The following NCF2 variants were observed in gnomAD, a reference collection of about 807,000 sequenced individuals.
NCF2 encodes neutrophil cytosol factor 2.
In NCF2, 45 loss-of-function variants were observed where a neutral mutation model predicts 70.9. That is an observed-to-expected ratio of 0.63 (90% confidence interval 0.50 to 0.81). The LOEUF (loss-of-function observed/expected upper bound fraction) is 0.81. Ranked by LOEUF, NCF2 falls within the 40% of genes least tolerant of loss-of-function variation. The pLI is 0.00. For missense variants in NCF2, 522 were observed against 631.6 expected (o/e 0.83, Z 1.86); for synonymous variants, 203 against 233.6 (o/e 0.87, Z 1.19).
Position 183,560,121 on chromosome 1 carries a change from C to T in NCF2, c.1443G>A (p.Gly481=). 6.2e-7 allele frequency: 1 copy of T among 1,614,058 alleles called. No homozygotes were observed. The highest frequency in any genetic ancestry group is 8.5e-7 in the Non-Finnish European group (1 of 1,179,986). ...CCTTTGATAACACCAGGATTATATC[C>T]CCTTCCTGAAACTCCAGGTCCTCTG... ...TQPEDLEFQE[G]DIILVLSKVN... The change falls in exon 14 of 15, where the codon GGG becomes GGA. Residue 481 remains glycine, a synonymous_variant. Coordinates refer to ENST00000367535, the MANE Select transcript of NCF2 (RefSeq NM_000433.4).
At chr1:183,557,054 AAT>A (rs1462039532) in intron 14 of NCF2, among the ~76,000 whole-genome samples, 1 of 152,230 alleles carries the variant, frequency 6.6e-6, no homozygotes, top group Non-Finnish European at 1.5e-5. Flanking sequence ...CAGAGCCTTT[AAT>A]AGAGTGCAGG....
chr1:183,578,355 C>CT (rs10689990), intron 2 of NCF2, among the ~76,000 whole-genome samples: 15,201 of 149,110 alleles, frequency 0.1, 1,007 homozygotes, highest in East Asian at 0.24. Flanking sequence ...GTATTTCCTC[C>CT]TTTTTTTTTT....
At chr1:183,588,526 T>G (rs1673484618) in intron 1 of NCF2, among the ~76,000 whole-genome samples, 1 of 151,766 alleles carries the variant, frequency 6.6e-6, no homozygotes, top group Non-Finnish European at 1.5e-5. Flanking sequence ...TAATGAAATT[T>G]TAACCCTTGT....
chr1:183,599,466 C>CTTTCTTTCTT, the NCF2 span, among the ~76,000 whole-genome samples: 2 of 137,542 alleles, frequency 1.5e-5, no homozygotes, highest in Non-Finnish European at 3.1e-5. Flanking sequence ...TTCTTTCTTT[C>CTTTCTTTCTT]TTTCTTTCTT....
chr1:183,574,696 T>C (rs550067203), intron 3 of NCF2, 75 bp from the exon 4 acceptor site: 2 of 1,554,636 alleles, frequency 1.3e-6, no homozygotes, highest in East Asian at 2.2e-5. Context: ...CTCACACGTA[T>C]ACTCTGAGAA....
chr1:183,591,569 G>A (rs2102944187), upstream of NCF2, among the ~76,000 whole-genome samples: 1 of 148,804 alleles, frequency 6.7e-6, no homozygotes, highest in Non-Finnish European at 1.5e-5. Flanking sequence ...TGCAACCTCT[G>A]CCTCCTGGGT....
intron 1 of NCF2, among the ~76,000 whole-genome samples, chr1:183,588,917 A>C (rs1439938221): frequency 1.3e-5 from 2 of 152,348 alleles, no homozygotes; most frequent in African/African-American, 4.8e-5. Context: ...AGCTGTGCCC[A>C]GACTAGCTGC....
chr1:183,574,719 GC>G, intron 3 of NCF2, 98 bp from the exon 4 acceptor site: 2 of 1,436,886 alleles, frequency 1.4e-6, no homozygotes, highest in Non-Finnish European at 2.0e-6. Flanking sequence ...TTGCCTGGTA[GC>G]CTTTCTCCCT....
intron 9 of NCF2, 37 bp downstream of exon 9, chr1:183,566,883 G>T: frequency 6.2e-7 from 1 of 1,611,576 alleles, no homozygotes; most frequent in Non-Finnish European, 8.5e-7. Context: ...TCCCTAAAGG[G>T]TGAGAGGAAA....
chr1:183,573,386 G>C, intron 4 of NCF2, 94 bp from the exon 5 acceptor site: 1 of 1,142,808 alleles, frequency 8.8e-7, no homozygotes. Flanking sequence ...AGAATTCATT[G>C]AGATAACCAC....
At chr1:183,596,477 A>G in the NCF2 span, among the ~76,000 whole-genome samples, 206 of 152,120 alleles carry the variant, frequency 1.4e-3, no homozygotes, top group African/African-American at 4.8e-3. Context: ...GATCCTCACT[A>G]TAAATTGTCC....
Position 183,567,488 on chromosome 1 carries a change from C to A in NCF2, c.714-143G>T, listed in dbSNP as rs1204877860. On this transcript the variant is annotated intron_variant, in intron 7 of 14. Coordinates refer to ENST00000367535, the MANE Select transcript of NCF2 (RefSeq NM_000433.4). Reference sequence around the variant, plus strand: ...TGCAACTGCCGAGATGACACTGAGCCTGCCTGGGCTCCCAAGAGGTCTCAG... The same window carrying A: ...TGCAACTGCCGAGATGACACTGAGCATGCCTGGGCTCCCAAGAGGTCTCAG... 6.0e-6 allele frequency: 7 copies of A among 1,158,272 alleles called. No homozygotes were observed. In the African/African-American group the frequency reaches 1.1e-4, roughly 17 times the overall value. 71.7% of individuals were successfully genotyped at this position (1,158,272 alleles called of 1,614,324 possible).
chr1:183,601,483 T>C, the NCF2 span, among the ~76,000 whole-genome samples: 1 of 152,214 alleles, frequency 6.6e-6, no homozygotes, highest in Non-Finnish European at 1.5e-5. Flanking sequence ...TATTCTAATG[T>C]GCATTTTTTT....
chr1:183,567,238 T>G lies in NCF2; in HGVS notation c.821A>C (p.Asn274Thr). 1 of 1,614,140 alleles carries G rather than the reference T, an allele frequency of 6.2e-7. No individual in the cohort carries two copies. The highest frequency in any genetic ancestry group is 1.1e-5 in the South Asian group (1 of 91,078). ...GAACATGACCGTGGCCCAGTTATCA[T>G]TGCCCTTCTTCAAGACAAAGACAAT... ...GNIVFVLKKG[N>T]DNWATVMFNG... The change falls in exon 8 of 15, where the codon AAT becomes ACT. Residue 274 changes from asparagine (N) to threonine (T), a missense_variant. Coordinates refer to ENST00000367535, the MANE Select transcript of NCF2 (RefSeq NM_000433.4).
At chr1:183,574,401 T>G in intron 4 of NCF2, 86 bp downstream of exon 4, 1 of 1,592,658 alleles carries the variant, frequency 6.3e-7, no homozygotes, top group Admixed American at 1.7e-5. Flanking sequence ...AAAGCACCAC[T>G]TTTATGGCTT....
upstream of NCF2, among the ~76,000 whole-genome samples, chr1:183,594,998 C>T (rs750411704): frequency 1.3e-5 from 2 of 152,168 alleles, no homozygotes; most frequent in African/African-American, 2.4e-5. Context: ...ATGTTTAGCA[C>T]GTAGTAGCTG....
At position 183,555,612 on chromosome 1, in the gene NCF2, A is replaced by G. The variant is rs1038760596; in HGVS notation, c.*506T>C. On this transcript the variant is annotated 3_prime_UTR_variant, in exon 15 of 15. Coordinates refer to ENST00000367535, the MANE Select transcript of NCF2 (RefSeq NM_000433.4). ...TTTGTATATGCCTTATGAGTAACCT[A>G]TAAGGTTACTTCAAGCCTTAAGAGC... 3.5e-5 allele frequency: 6 copies of G among 169,858 alleles called. No homozygotes were observed. The highest frequency in any genetic ancestry group is 1.7e-4 in the Admixed American group (3 of 18,102). 10.5% of individuals were successfully genotyped at this position (169,858 alleles called of 1,614,324 possible). A position where few individuals can be genotyped will look rare whatever the true frequency, so the allele number is the denominator to read the frequency against.
chr1:183,573,052 T>C, intron 5 of NCF2, 133 bp downstream of exon 5: 1 of 834,906 alleles, frequency 1.2e-6, no homozygotes, highest in South Asian at 1.3e-5. Context: ...CTCTGTCCTA[T>C]AAACAAGTCT....
At chr1:183,564,179 CTG>C in intron 10 of NCF2, 149 bp from the exon 11 acceptor site, 1 of 820,238 alleles carries the variant, frequency 1.2e-6, no homozygotes. Context: ...CCTTAGTAAA[CTG>C]TGGGGAAAAT....
Sources: gnomAD v4.1 joint callset for allele counts (sites outside exome capture counted in the v4.1 genomes callset) on GRCh38, gnomAD v4.1.1 for gene constraint, MANE v1.5 for transcripts, NCBI Gene and HGNC (gene_info 2026-07-23, HGNC 2026-07-21) for gene names.